MSTO1: variants seen among roughly 807,000 people sequenced by gnomAD.
MSTO1 encodes protein misato homolog 1.
MSTO1 carries 24 observed loss-of-function variants against 55.7 expected under a neutral mutation model. The ratio of observed to expected loss-of-function variants is 0.43; its 90% confidence interval spans 0.31 to 0.61. The LOEUF (loss-of-function observed/expected upper bound fraction) is 0.61. Ranked by LOEUF, MSTO1 falls within the 20% of genes least tolerant of loss-of-function variation. The pLI is 0.09. For missense variants in MSTO1, 363 were observed against 625.7 expected, an observed-to-expected ratio of 0.58 and a Z score of 4.48; for synonymous variants, 162 against 252.8, an observed-to-expected ratio of 0.64 and a Z score of 3.41.
rs1362950816 is a variant in MSTO1 at position 155,612,306 on chromosome 1, A to G, written c.803A>G (p.Tyr268Cys). ...IITWGLLPGP[Y>C]HRGEAQRNIY... ...ACCTGGGGCCTGCTACCTGGTCCCTACCATCGTGGGGTGAGTGGAACTTAG... is the reference window on the plus strand; with the variant it reads ...ACCTGGGGCCTGCTACCTGGTCCCTGCCATCGTGGGGTGAGTGGAACTTAG... The change falls in exon 8 of 14, where the codon TAC becomes TGC. Residue 268 changes from tyrosine to cysteine, a missense_variant. Physicochemically the swap from Tyr to Cys is radical, Grantham distance 194 (BLOSUM62 -2). Coordinates refer to ENST00000245564, the MANE Select transcript of MSTO1 (RefSeq NM_018116.4). 3 of 1,581,786 alleles carry G rather than the reference A, an allele frequency of 1.9e-6. No individual in the cohort carries two copies. The highest frequency in any genetic ancestry group is 3.5e-5 in the Admixed American group (2 of 57,254).
the MSTO1 span, among the ~76,000 whole-genome samples, chr1:155,567,072 AGGGTTGACTTTACATTTGACGAGTTATG>A: frequency 4.6e-5 from 7 of 151,906 alleles, no homozygotes; most frequent in Admixed American, 3.3e-4. Flanking sequence ...AAGTATGGTC[AGGGTTGACTTTACATTTGACGAGTTATG>A]GTAAATGCTA....
the MSTO1 span, among the ~76,000 whole-genome samples, chr1:155,587,230 T>C: frequency 6.8e-6 from 1 of 147,702 alleles, no homozygotes; most frequent in Non-Finnish European, 1.5e-5. Flanking sequence ...TCACCTGAGG[T>C]AGGAGTTCGA....
At chr1:155,589,498 A>T in the MSTO1 span, among the ~76,000 whole-genome samples, 1 of 152,038 alleles carries the variant, frequency 6.6e-6, no homozygotes, top group African/African-American at 2.4e-5. Flanking sequence ...GTATTGAGTC[A>T]CACCATCTGG....
Position 155,614,701 on chromosome 1 carries a change from T to G in MSTO1, c.*428T>G. On this transcript the variant is annotated 3_prime_UTR_variant, in exon 14 of 14. Coordinates refer to ENST00000245564, the MANE Select transcript of MSTO1 (RefSeq NM_018116.4). ...AGGGCGCCTGTTGGGTTTGGTCCTG[T>G]GTAGATGATTCCCAGAGTCTCATTC... The G allele has an allele frequency of 6.4e-7, 1 of 1,573,342 alleles. No homozygotes were observed. Among genetic ancestry groups the G allele is most frequent in the South Asian group, 1.1e-5 (1 of 89,962 alleles).
chr1:155,578,045 G>A, the MSTO1 span, among the ~76,000 whole-genome samples: 1 of 152,010 alleles, frequency 6.6e-6, no homozygotes, highest in Non-Finnish European at 1.5e-5. Context: ...CACCTAGCTA[G>A]CTTGACAATT....
At chr1:155,602,667 C>T in the MSTO1 span, among the ~76,000 whole-genome samples, 1 of 152,068 alleles carries the variant, frequency 6.6e-6, no homozygotes, top group Admixed American at 6.6e-5. Flanking sequence ...TAATTTCTTT[C>T]ATACGTTTTG....
At chr1:155,596,951 C>A in the MSTO1 span, among the ~76,000 whole-genome samples, 8 of 152,074 alleles carry the variant, frequency 5.3e-5, no homozygotes, top group Middle Eastern at 3.4e-3. Context: ...CAAAAAAAGT[C>A]AAAAAATTAG....
chr1:155,582,554 G>T, the MSTO1 span, among the ~76,000 whole-genome samples: 3 of 151,772 alleles, frequency 2.0e-5, no homozygotes, highest in Admixed American at 6.6e-5. Context: ...CTGCCTCCCG[G>T]GTTCAAGCAA....
At chr1:155,587,439 C>CA in the MSTO1 span, among the ~76,000 whole-genome samples, 2,755 of 51,656 alleles carry the variant, frequency 0.053, 102 homozygotes, top group African/African-American at 0.13. Context: ...GACTACGTCT[C>CA]AAAAAAAAAA....
chr1:155,609,186 T>C (rs1673213410), upstream of MSTO1, among the ~76,000 whole-genome samples: 1 of 142,808 alleles, frequency 7.0e-6, no homozygotes, highest in South Asian at 2.2e-4. Flanking sequence ...AGCCCAAAAA[T>C]TGGAAACAAT....
At chr1:155,588,642 G>A in the MSTO1 span, among the ~76,000 whole-genome samples, 2 of 152,094 alleles carry the variant, frequency 1.3e-5, no homozygotes, top group Non-Finnish European at 2.9e-5. Flanking sequence ...TGCATTTTAT[G>A]GTCCATGTTC....
At chr1:155,568,214 G>T in the MSTO1 span, among the ~76,000 whole-genome samples, 1 of 150,730 alleles carries the variant, frequency 6.6e-6, no homozygotes, top group African/African-American at 2.4e-5. Flanking sequence ...CAAGTAGCTG[G>T]GATTACAGGT....
At chr1:155,564,677 G>A in the MSTO1 span, among the ~76,000 whole-genome samples, 1 of 152,196 alleles carries the variant, frequency 6.6e-6, no homozygotes, top group Non-Finnish European at 1.5e-5. Context: ...ACACTTTCAT[G>A]GAGCCCACTT....
upstream of MSTO1, among the ~76,000 whole-genome samples, chr1:155,608,639 A>G (rs1194034117): frequency 1.3e-5 from 2 of 150,376 alleles, no homozygotes; most frequent in Non-Finnish European, 2.9e-5. Context: ...AGCTGGGACT[A>G]CAGGTCGCGC....
the MSTO1 span, among the ~76,000 whole-genome samples, chr1:155,579,395 G>A: frequency 4.6e-5 from 7 of 152,056 alleles, no homozygotes; most frequent in Admixed American, 3.3e-4. Flanking sequence ...GAAGCTACAA[G>A]GAGACATGTT....
upstream of MSTO1, among the ~76,000 whole-genome samples, chr1:155,609,181 A>C (rs376702670): frequency 4.1e-5 from 6 of 147,784 alleles, no homozygotes; most frequent in Admixed American, 1.4e-4. Flanking sequence ...CTAATAGCCC[A>C]AAAATTGGAA....
the MSTO1 span, among the ~76,000 whole-genome samples, chr1:155,578,818 T>G: frequency 3.0e-5 from 4 of 135,566 alleles, no homozygotes; most frequent in African/African-American, 5.5e-5. Flanking sequence ...CCCTGTGTGG[T>G]TTTTTTTTTG....
chr1:155,603,269 T>G, the MSTO1 span, among the ~76,000 whole-genome samples: 1 of 151,888 alleles, frequency 6.6e-6, no homozygotes, highest in South Asian at 2.1e-4. Flanking sequence ...AGTGGCCCCA[T>G]GCATGTAATC....
chr1:155,575,997 T>C, the MSTO1 span, among the ~76,000 whole-genome samples: 1 of 151,228 alleles, frequency 6.6e-6, no homozygotes, highest in African/African-American at 2.4e-5. Context: ...TAATTTTGTA[T>C]TTTTAGTAGA....
Sources: allele counts gnomAD v4.1 joint callset (sites outside exome capture counted in the v4.1 genomes callset), GRCh38; gene constraint gnomAD v4.1.1; transcripts MANE v1.5; gene names NCBI Gene and HGNC (gene_info 2026-07-23, HGNC 2026-07-21).